The following HOPX variants were observed in gnomAD, a reference collection of about 807,000 sequenced individuals.
HOPX encodes homeodomain-only protein.
In HOPX, 5 loss-of-function variants were observed where a neutral mutation model predicts 11.8. The ratio of observed to expected loss-of-function variants is 0.43; its 90% CI spans 0.22 to 0.89. The LOEUF is 0.89. Ranked by LOEUF, HOPX falls within the 40% of genes least tolerant of loss-of-function variation. The pLI is 0.28. For synonymous variants in HOPX, 49 were observed against 49.7 expected (o/e 0.99, Z 0.06); for missense variants, 119 against 120.0 (o/e 0.99, Z 0.04).
intron 3 of HOPX, chr4:56,649,332 G>T (rs1408506257): frequency 6.6e-6 from 1 of 152,306 alleles, no homozygotes; most frequent in African/African-American, 2.4e-5. Flanking sequence ...ATAAATAAAA[G>T]AAGTTAAAGC....
chr4:56,656,257 C>T (rs370063251), intron 2 of HOPX: 85 of 1,166,422 alleles, frequency 7.3e-5, no homozygotes, highest in East Asian at 5.5e-4. Context: ...CGTCCTGCGC[C>T]TCCCGCGCCC....
chr4:56,667,720 A>G (rs1718516799), intron 1 of HOPX, among the ~76,000 whole-genome samples: 1 of 152,180 alleles, frequency 6.6e-6, no homozygotes, highest in African/African-American at 2.4e-5. Flanking sequence ...TCATCACTGT[A>G]GTTAAGTATA....
intron 2 of HOPX, chr4:56,656,250 C>G: frequency 1.7e-6 from 2 of 1,163,040 alleles, no homozygotes; most frequent in Non-Finnish European, 2.1e-6. Context: ...AGCCTAGCGT[C>G]CTGCGCCTCC....
At chr4:56,665,497 C>T (rs1340256049) in intron 1 of HOPX, 3 of 152,102 alleles carry the variant, frequency 2.0e-5, no homozygotes, top group Non-Finnish European at 1.5e-5. Flanking sequence ...CAAGGACTAG[C>T]CAAAATGTAA....
chr4:56,649,256 T>A (rs1716927337), intron 3 of HOPX: 2 of 153,752 alleles, frequency 1.3e-5, no homozygotes, highest in African/African-American at 4.8e-5. Flanking sequence ...ATTCATCCTA[T>A]CACCATTGCA....
intron 2 of HOPX, among the ~76,000 whole-genome samples, chr4:56,657,561 G>A (rs1220246483): frequency 6.6e-6 from 1 of 152,180 alleles, no homozygotes; most frequent in Non-Finnish European, 1.5e-5. Context: ...TCTACTGTGA[G>A]AGTCTGGCTC....
Position 56,656,189 on chromosome 4 carries a change from C to T in HOPX, c.43-177G>A, listed in dbSNP as rs555597291. ...GCTGAGCGGGGGCTTACGGCTGCCCCCCACCCGGGCCTCCCTCCCTGGACT... is the reference window on the plus strand; with the variant it reads ...GCTGAGCGGGGGCTTACGGCTGCCCTCCACCCGGGCCTCCCTCCCTGGACT... On this transcript the variant is annotated intron_variant, in intron 2 of 3. Coordinates refer to ENST00000420433, the MANE Select transcript of HOPX (RefSeq NM_032495.6). 3.3e-5 allele frequency: 37 copies of T among 1,115,592 alleles called. No homozygotes were observed. The African/African-American group carries it at 4.8e-4, about 15-fold the overall frequency. The allele number at this position is 1,115,592 out of a possible 1,614,324, so 69.1% of individuals were successfully genotyped here.
At chr4:56,656,559 G>T in intron 2 of HOPX, 1 of 786,178 alleles carries the variant, frequency 1.3e-6, no homozygotes, top group Non-Finnish European at 1.5e-6. Flanking sequence ...TCTCCAGGCA[G>T]GGCTGCACAC....
intron 3 of HOPX, chr4:56,650,661 C>A (rs1420666766): frequency 5.8e-6 from 9 of 1,551,282 alleles, no homozygotes; most frequent in Non-Finnish European, 7.8e-6. Flanking sequence ...ATCCTTTACA[C>A]AGTTGTCAAG....
chr4:56,661,160 AC>A (rs1718096504), intron 1 of HOPX, among the ~76,000 whole-genome samples: 1 of 151,978 alleles, frequency 6.6e-6, no homozygotes, highest in African/African-American at 2.4e-5. Context: ...CCCTAAAAGA[AC>A]TTTTTTTTTA....
At chr4:56,661,290 G>T (rs140013574) in intron 1 of HOPX, among the ~76,000 whole-genome samples, 1 of 152,104 alleles carries the variant, frequency 6.6e-6, no homozygotes, top group Non-Finnish European at 1.5e-5. Context: ...AGAGAAGTTC[G>T]TTCATATTCA....
In HOPX at chr4:56,677,828, T is replaced by C. The variant is rs572785578; in HGVS notation, c.-84+3427A>G. Among the ~76,000 whole-genome samples the C allele has an allele frequency of 3.0e-3, 460 of 151,790 alleles. 24 individuals are homozygous for C. Among genetic ancestry groups the C allele is most frequent in the African/African-American group, 0.011 (448 of 41,030 alleles). On this transcript the variant is annotated intron_variant, in intron 1 of 3. Transcript: ENST00000420433. ...AAGTCCTAATTAAAAGACCCTGGAC[T>C]GCCAGATAGACTCATCCCAGTGCTG...
chr4:56,670,126 A>G (rs1718657477), intron 1 of HOPX, among the ~76,000 whole-genome samples: 1 of 152,158 alleles, frequency 6.6e-6, no homozygotes, highest in Non-Finnish European at 1.5e-5. Context: ...ATGCTTAGTA[A>G]GTGTGAATAT....
At chr4:56,650,681 A>T in intron 3 of HOPX, 1 of 1,551,662 alleles carries the variant, frequency 6.4e-7, no homozygotes, top group Non-Finnish European at 8.7e-7. Context: ...GATCTTACAT[A>T]CCTTTACACT....
At chr4:56,662,110 A>G (rs903288806) in intron 1 of HOPX, among the ~76,000 whole-genome samples, 1 of 152,228 alleles carries the variant, frequency 6.6e-6, no homozygotes, top group African/African-American at 2.4e-5. Flanking sequence ...GAGAGATGGA[A>G]AGTATAAAAG....
At chr4:56,666,442 G>A (rs1273512044) in intron 1 of HOPX, among the ~76,000 whole-genome samples, 1 of 152,194 alleles carries the variant, frequency 6.6e-6, no homozygotes, top group African/African-American at 2.4e-5. Context: ...CTGAAAACAG[G>A]AAGATATTAT....
chr4:56,657,510 G>A (rs1348140157), intron 2 of HOPX, among the ~76,000 whole-genome samples: 1 of 152,116 alleles, frequency 6.6e-6, no homozygotes. Context: ...CCTCTCCTTT[G>A]GGTCACTCTG....
chr4:56,653,429 A>T (rs946558540), intron 3 of HOPX, among the ~76,000 whole-genome samples: 7 of 152,148 alleles, frequency 4.6e-5, no homozygotes, highest in Non-Finnish European at 8.8e-5. Context: ...AGAAGAAATC[A>T]TTCTCATTCA....
At chr4:56,669,680 AT>A (rs1236216351) in intron 1 of HOPX, among the ~76,000 whole-genome samples, 5 of 150,340 alleles carry the variant, frequency 3.3e-5, no homozygotes, top group Admixed American at 6.7e-5. Context: ...AATAATAATA[AT>A]AATAATAATA....
Sources: gnomAD v4.1 joint callset for allele counts (sites outside exome capture counted in the v4.1 genomes callset) on GRCh38, gnomAD v4.1.1 for gene constraint, MANE v1.5 for transcripts, NCBI Gene and HGNC (gene_info 2026-07-23, HGNC 2026-07-21) for gene names.